Variants in PUS10 observed in about 807,000 individuals in gnomAD.
The protein encoded by PUS10 is tRNA pseudouridine synthase Pus10.
Under a neutral mutation model 75.0 loss-of-function variants are expected in PUS10, and 59 were observed. That is an observed-to-expected ratio of 0.79 (90% CI 0.64 to 0.98). The LOEUF (loss-of-function observed/expected upper bound fraction) is 0.98, where lower values mean the gene tolerates loss of function less well. Ranked by LOEUF, PUS10 falls within the 50% of genes least tolerant of loss-of-function variation. The pLI, the probability that PUS10 is intolerant of heterozygous loss-of-function variation, is 0.00. For synonymous variants in PUS10, 219 were observed against 211.6 expected, an observed-to-expected ratio of 1.03 and a Z score of -0.30; for missense variants, 650 against 614.4, an observed-to-expected ratio of 1.06 and a Z score of -0.61.
At chr2:60,950,855 C>T (rs1290346379) in intron 15 of PUS10, among the ~76,000 whole-genome samples, 1 of 152,146 alleles carries the variant, frequency 6.6e-6, no homozygotes, top group African/African-American at 2.4e-5. Context: ...TGTACATATT[C>T]TTATGCACTG....
At chr2:60,976,491 C>T (rs1270608855) in intron 4 of PUS10, among the ~76,000 whole-genome samples, 2 of 152,248 alleles carry the variant, frequency 1.3e-5, no homozygotes, top group Admixed American at 6.5e-5. Flanking sequence ...GTGATGTCAT[C>T]AAGTCTGCAA....
intron 4 of PUS10, among the ~76,000 whole-genome samples, chr2:60,973,353 C>T (rs933093155): frequency 6.6e-6 from 1 of 152,242 alleles, no homozygotes; most frequent in Non-Finnish European, 1.5e-5. Flanking sequence ...TTCAGGGACC[C>T]GGGAAGGCCC....
intron 4 of PUS10, among the ~76,000 whole-genome samples, chr2:61,003,294 T>A (rs990616281): frequency 6.6e-6 from 1 of 152,086 alleles, no homozygotes. Flanking sequence ...AAACCGCGTC[T>A]CTACTAAAAA....
chr2:60,960,297 T>C (rs1363928606), intron 11 of PUS10, 95 bp downstream of exon 11: 2 of 939,950 alleles, frequency 2.1e-6, no homozygotes, highest in African/African-American at 1.8e-5. Context: ...TAAGCTGTGA[T>C]CGTGCTACTG....
intron 6 of PUS10, chr2:60,965,784 C>A: frequency 4.9e-6 from 1 of 204,254 alleles, no homozygotes. Context: ...TGAGAATTTA[C>A]AGAATTGAAA....
chr2:60,967,878 G>C (rs1676437898), intron 5 of PUS10, among the ~76,000 whole-genome samples: 1 of 151,960 alleles, frequency 6.6e-6, no homozygotes. Context: ...AGCACACTAT[G>C]GGTTTTTCTA....
At chr2:61,008,687 G>A (rs567572689) in intron 3 of PUS10, 74 bp downstream of exon 3, 235 of 1,231,576 alleles carry the variant, frequency 1.9e-4, no homozygotes, top group Non-Finnish European at 2.5e-4. Flanking sequence ...AAAAAGGAAA[G>A]AAAAAAGAAT....
At chr2:61,015,962 C>T (rs1015989410) in intron 1 of PUS10, among the ~76,000 whole-genome samples, 1 of 152,080 alleles carries the variant, frequency 6.6e-6, no homozygotes, top group Admixed American at 6.5e-5. Flanking sequence ...ACATTTAACT[C>T]AAAAAGAGAC....
At position 60,945,119 on chromosome 2, in the gene PUS10, T is replaced by A; in HGVS notation, c.1452-11A>T. The A allele has an allele frequency of 6.3e-7, 1 of 1,595,550 alleles. No individual in the cohort carries two copies. The highest frequency in any genetic ancestry group is 8.6e-7 in the Non-Finnish European group (1 of 1,163,226). On this transcript the variant is annotated splice_polypyrimidine_tract_variant and intron_variant, in intron 16 of 17. Coordinates refer to ENST00000316752, the MANE Select transcript of PUS10 (RefSeq NM_144709.4). ...AACTCTTTAATGTAGCTGGGGTTTG[T>A]TTAAGGAAAAAATGAAGACAGCATG...
intron 1 of PUS10, among the ~76,000 whole-genome samples, chr2:61,014,256 T>G (rs1033729014): frequency 1.3e-5 from 2 of 152,032 alleles, no homozygotes; most frequent in Non-Finnish European, 2.9e-5. Flanking sequence ...CGTGTGCCTA[T>G]AATCCCAGCC....
intron 1 of PUS10, among the ~76,000 whole-genome samples, chr2:61,013,807 T>C (rs1174289369): frequency 1.3e-5 from 2 of 150,088 alleles, no homozygotes; most frequent in Admixed American, 1.3e-4. Flanking sequence ...GGCAGATCAC[T>C]TGAGGTCAGG....
intron 5 of PUS10, among the ~76,000 whole-genome samples, chr2:60,968,511 C>T (rs1019903568): frequency 1.3e-5 from 2 of 152,038 alleles, no homozygotes. Context: ...ATAGAAATTA[C>T]TCCTTATAGG....
In PUS10 at chr2:60,981,730, C is replaced by T. The variant is rs537478834; in HGVS notation, c.469-10173G>A. On this transcript the variant is annotated intron_variant, in intron 4 of 17. Coordinates refer to ENST00000316752, the MANE Select transcript of PUS10 (RefSeq NM_144709.4). ...TGCTGTGGTACATTTTTGCAAATCT[C>T]TTTAATATACATCTTAATAGGAGAT... Among the ~76,000 whole-genome samples, 5 of 152,236 alleles carry T rather than the reference C, an allele frequency of 3.3e-5. No individual in the cohort carries two copies. In the East Asian group the frequency reaches 7.7e-4, roughly 23 times the overall value.
rs1343769221 is a variant in PUS10, at chr2:60,945,086, C to T, written c.1474G>A (p.Gly492Arg). 1.2e-6 allele frequency: 2 copies of T among 1,613,576 alleles called. No individual in the cohort carries two copies. The highest frequency in any genetic ancestry group is 1.7e-6 in the Non-Finnish European group (2 of 1,179,486). The change falls in exon 17 of 18, where the codon GGA becomes AGA. Residue 492 changes from glycine to arginine, a missense_variant. Physicochemically the swap from Gly to Arg is moderately radical, Grantham distance 125. Coordinates refer to ENST00000316752, the MANE Select transcript of PUS10 (RefSeq NM_144709.4). ...AGTYIKEFVH[G>R]DFGRTKPNIG... ...TTTGGCTTGGTTCTCCCGAAGTCTCCATGTACAAACTCTTTAATGTAGCTG... is the reference window on the plus strand; with the variant it reads ...TTTGGCTTGGTTCTCCCGAAGTCTCTATGTACAAACTCTTTAATGTAGCTG...
chr2:61,018,236 C>G lies in PUS10; in HGVS notation c.-244G>C. 1 of 1,551,086 alleles carries G rather than the reference C, an allele frequency of 6.4e-7. No individual in the cohort carries two copies. Among genetic ancestry groups the G allele is most frequent in the Non-Finnish European group, 8.7e-7 (1 of 1,146,990 alleles). ...AGCGGCATTTGTCCAGCCACGGCAT[C>G]GACAGGGAGCAAAGTCTCTCCTTAA... On this transcript the variant is annotated 5_prime_UTR_variant, in exon 1 of 18. Transcript: ENST00000316752.
chr2:60,951,556 G>A (rs867057750), intron 15 of PUS10, among the ~76,000 whole-genome samples: 2 of 152,272 alleles, frequency 1.3e-5, no homozygotes, highest in East Asian at 1.9e-4. Flanking sequence ...TCCCTCGCAC[G>A]TGTCATTTCC....
chr2:60,948,428 A>G (rs1325243504), intron 15 of PUS10, among the ~76,000 whole-genome samples: 5 of 152,112 alleles, frequency 3.3e-5, no homozygotes, highest in Admixed American at 3.3e-4. Context: ...CGGTTTCACC[A>G]TATCTGCCAG....
At chr2:61,012,867 A>AAAAAAATAT (rs1679710007) in intron 1 of PUS10, among the ~76,000 whole-genome samples, 1 of 27,742 alleles carries the variant, frequency 3.6e-5, no homozygotes, top group East Asian at 7.4e-4. Context: ...AAAAAAAAAA[A>AAAAAAATAT]ATATATATAT....
chr2:60,965,271 C>T, intron 7 of PUS10, 152 bp downstream of exon 7: 1 of 977,660 alleles, frequency 1.0e-6, no homozygotes, highest in Admixed American at 2.1e-5. Flanking sequence ...TGTTCAAGGA[C>T]ACATTTTATT....
Sources: allele counts gnomAD v4.1 joint callset (sites outside exome capture counted in the v4.1 genomes callset), GRCh38; gene constraint gnomAD v4.1.1; transcripts MANE v1.5; gene names NCBI Gene and HGNC (gene_info 2026-07-23, HGNC 2026-07-21).